NR3C2: variants seen among roughly 807,000 people sequenced by gnomAD.
NR3C2 encodes the protein mineralocorticoid receptor.
NR3C2 carries 15 observed loss-of-function variants against 86.4 expected under a neutral mutation model. The observed-to-expected ratio is 0.17, with a 90% CI of 0.12 to 0.27. NR3C2 has a LOEUF of 0.27. Among genes scored for constraint, NR3C2 ranks in the 10% least tolerant of loss-of-function variants. The pLI, the probability that NR3C2 is intolerant of heterozygous loss-of-function variation, is 1.00. For missense variants in NR3C2, 960 were observed against 1,195.6 expected, an observed-to-expected ratio of 0.80 and a Z score of 2.91; for synonymous variants, 458 against 450.5, an observed-to-expected ratio of 1.02 and a Z score of -0.21.
chr4:148,085,381 C>T (rs1730765096), intron 8 of NR3C2, among the ~76,000 whole-genome samples: 1 of 152,168 alleles, frequency 6.6e-6, no homozygotes, highest in South Asian at 2.1e-4. Flanking sequence ...AAAACCTGCT[C>T]CTGAATGATT....
chr4:148,336,444 T>A (rs1050203387), intron 2 of NR3C2, among the ~76,000 whole-genome samples: 1 of 152,086 alleles, frequency 6.6e-6, no homozygotes, highest in African/African-American at 2.4e-5. Context: ...TTCAGCTAAA[T>A]TGGTATGATT....
chr4:148,305,288 C>G (rs1406289481), intron 2 of NR3C2, among the ~76,000 whole-genome samples: 1 of 151,976 alleles, frequency 6.6e-6, no homozygotes, highest in Non-Finnish European at 1.5e-5. Context: ...TAAATTTTTT[C>G]TACTCCATTC....
chr4:148,339,789 T>C (rs1299841690), intron 2 of NR3C2, among the ~76,000 whole-genome samples: 1 of 152,186 alleles, frequency 6.6e-6, no homozygotes, highest in African/African-American at 2.4e-5. Flanking sequence ...CAACATGGTA[T>C]ATTTAAGAAC....
At chr4:148,445,060 G>A, upstream of NR3C2, 1 of 950,808 alleles carries the variant, frequency 1.1e-6, no homozygotes, top group Non-Finnish European at 1.3e-6. Flanking sequence ...CCGGCCACCC[G>A]CGGGTGGGAA....
At chr4:148,270,185 T>G (rs1169945614) in intron 2 of NR3C2, among the ~76,000 whole-genome samples, 1 of 152,102 alleles carries the variant, frequency 6.6e-6, no homozygotes, top group Non-Finnish European at 1.5e-5. Flanking sequence ...TAAATGTAAT[T>G]AACAAATCAA....
chr4:148,254,135 C>A (rs1739712740), intron 3 of NR3C2, among the ~76,000 whole-genome samples: 1 of 152,130 alleles, frequency 6.6e-6, no homozygotes, highest in African/African-American at 2.4e-5. Flanking sequence ...TAGGTCATTT[C>A]TAGCTCAAGT....
chr4:148,269,896 A>C (rs958926796), intron 2 of NR3C2, among the ~76,000 whole-genome samples: 10 of 152,166 alleles, frequency 6.6e-5, no homozygotes, highest in Non-Finnish European at 1.5e-4. Context: ...GCTTTTGAAA[A>C]AGATTATATA....
Position 148,081,173 on chromosome 4 carries a change from A to G in NR3C2, c.*171T>C. The G allele has an allele frequency of 1.1e-6, 1 of 888,622 alleles. No individual in the cohort carries two copies. Among genetic ancestry groups the G allele is most frequent in the Non-Finnish European group, 1.8e-6 (1 of 559,036 alleles). 55.0% of individuals were successfully genotyped at this position (888,622 alleles called of 1,614,324 possible). Reference sequence around the variant, plus strand: ...AGACTGCTCTGGTCTCGCCAAATCCACGGAAAAACAGCTTTCCCGGCTCCA... The same window carrying G: ...AGACTGCTCTGGTCTCGCCAAATCCGCGGAAAAACAGCTTTCCCGGCTCCA... On this transcript the variant is annotated 3_prime_UTR_variant, in exon 9 of 9. Coordinates refer to ENST00000358102, the MANE Select transcript of NR3C2 (RefSeq NM_000901.5).
chr4:148,189,474 C>T (rs1022827666), intron 4 of NR3C2, among the ~76,000 whole-genome samples: 3 of 152,176 alleles, frequency 2.0e-5, no homozygotes, highest in Admixed American at 2.0e-4. Flanking sequence ...CATCTATGTG[C>T]ATCGGCGATA....
At chr4:148,235,283 T>TA (rs1491083531) in intron 3 of NR3C2, among the ~76,000 whole-genome samples, 46 of 149,986 alleles carry the variant, frequency 3.1e-4, no homozygotes, top group Non-Finnish European at 5.3e-4. Context: ...TATATATATA[T>TA]TTAAGATTCC....
intron 4 of NR3C2, among the ~76,000 whole-genome samples, chr4:148,178,312 C>A (rs1171810502): frequency 2.0e-5 from 3 of 151,758 alleles, no homozygotes; most frequent in Non-Finnish European, 4.4e-5. Flanking sequence ...GCCTGGGCAA[C>A]AGAGTGAGAC....
chr4:148,381,643 T>C (rs1027105759), intron 2 of NR3C2, among the ~76,000 whole-genome samples: 1 of 152,196 alleles, frequency 6.6e-6, no homozygotes, highest in African/African-American at 2.4e-5. Flanking sequence ...ATCAAAATGT[T>C]TTTATTTTTA....
intron 2 of NR3C2, among the ~76,000 whole-genome samples, chr4:148,420,024 T>C (rs1749201191): frequency 6.6e-6 from 1 of 152,172 alleles, no homozygotes; most frequent in South Asian, 2.1e-4. Context: ...TACATGGGGT[T>C]GGGTGAGACC....
chr4:148,187,627 C>T (rs1735991250), intron 4 of NR3C2, among the ~76,000 whole-genome samples: 1 of 152,106 alleles, frequency 6.6e-6, no homozygotes, highest in African/African-American at 2.4e-5. Context: ...AGAAGATTTT[C>T]TCCCACTCTG....
Position 148,432,258 on chromosome 4 carries a change from A to G in NR3C2, c.1757+2846T>C, listed in dbSNP as rs544425979. ...TGTTTTTCTTCAAGTACATAGAGAA[A>G]ATCTCATCTCATATAGATATGTTGT... On this transcript the variant is annotated intron_variant, in intron 2 of 8. Coordinates refer to ENST00000358102, the MANE Select transcript of NR3C2 (RefSeq NM_000901.5). Among the ~76,000 whole-genome samples the G allele has an allele frequency of 4.6e-5, 7 of 152,306 alleles. No individual in the cohort carries two copies. The South Asian group carries it at 6.2e-4, about 14-fold the overall frequency.
At chr4:148,356,100 G>T (rs976376831) in intron 2 of NR3C2, among the ~76,000 whole-genome samples, 1 of 152,104 alleles carries the variant, frequency 6.6e-6, no homozygotes, top group Non-Finnish European at 1.5e-5. Flanking sequence ...GTAAACTTCA[G>T]ATCTACAGAA....
chr4:148,278,240 T>G (rs1055202705), intron 2 of NR3C2, among the ~76,000 whole-genome samples: 1 of 152,054 alleles, frequency 6.6e-6, no homozygotes, highest in Admixed American at 6.6e-5. Context: ...CCCAAGTATC[T>G]GGAACCACAG....
chr4:148,426,628 G>T (rs1749544697), intron 2 of NR3C2, among the ~76,000 whole-genome samples: 1 of 152,134 alleles, frequency 6.6e-6, no homozygotes, highest in African/African-American at 2.4e-5. Context: ...AGGATGCGTT[G>T]TTCATCTTCT....
At position 148,353,735 on chromosome 4, in the gene NR3C2, C is replaced by G. The variant is rs1745413945; in HGVS notation, c.1757+81369G>C. Among the ~76,000 whole-genome samples the G allele has an allele frequency of 2.6e-5, 4 of 152,250 alleles. No individual in the cohort carries two copies. In the South Asian group the frequency reaches 8.3e-4, roughly 32 times the overall value. Reference sequence around the variant, plus strand: ...AAAAGACCATCACTGCTGCTCAGAACAATAGACTCTCTGTATGTGAGTCAT... The same window carrying G: ...AAAAGACCATCACTGCTGCTCAGAAGAATAGACTCTCTGTATGTGAGTCAT... On this transcript the variant is annotated intron_variant, in intron 2 of 8. Transcript: ENST00000358102.
Sources: allele counts gnomAD v4.1 joint callset (sites outside exome capture counted in the v4.1 genomes callset), GRCh38; gene constraint gnomAD v4.1.1; transcripts MANE v1.5; gene names NCBI Gene and HGNC (gene_info 2026-07-23, HGNC 2026-07-21).